Variants in SRRM2 observed in about 807,000 individuals in gnomAD.
SRRM2 encodes serine/arginine repetitive matrix 2, also known as serine/arginine repetitive matrix protein 2.
SRRM2 carries 30 observed loss-of-function variants against 213.8 expected under a neutral mutation model. The ratio of observed to expected loss-of-function variants is 0.14; its 90% CI spans 0.10 to 0.19. The LOEUF (loss-of-function observed/expected upper bound fraction) is 0.19, where lower values mean the gene tolerates loss of function less well. Among genes scored for constraint, SRRM2 ranks in the 10% least tolerant of loss-of-function variants. SRRM2 has a pLI of 1.00. For missense variants in SRRM2, 4,904 were observed against 3,647.0 expected (o/e 1.34, Z -8.88); for synonymous variants, 2,025 against 1,377.7 (o/e 1.47, Z -10.40).
chr16:2,753,519 G>T (rs922343350), intron 1 of SRRM2: 3 of 152,166 alleles, frequency 2.0e-5, no homozygotes, highest in Non-Finnish European at 1.5e-5. Context: ...GTTTACATTT[G>T]TAAGGTAGAC....
Position 2,768,242 on chromosome 16 carries a change from C to T in SRRM2, c.7714C>T (p.Pro2572Ser), listed in dbSNP as rs1452166545. 3 of 1,559,964 alleles carry T rather than the reference C, an allele frequency of 1.9e-6. No homozygotes were observed. The highest frequency in any genetic ancestry group is 1.2e-5 in the South Asian group (1 of 82,648). The change falls in exon 11 of 15, where the codon CCT (proline) becomes TCT (serine). Residue 2572 changes from proline (P) to serine (S), a missense_variant. Coordinates refer to ENST00000301740, the MANE Select transcript of SRRM2 (RefSeq NM_016333.4). ...AGAGGGCTCTAGCCTTCCTGTGCAA[C>T]CTGAGGTGGCACTGAAGAGGTGAGG... Reference protein sequence around the residue: ...DSEGSSLPVQPEVALKRVPSP... With the variant: ...DSEGSSLPVQSEVALKRVPSP...
At position 2,762,180 on chromosome 16, in the gene SRRM2, G is replaced by T; in HGVS notation, c.1652G>T (p.Arg551Ile). The T allele has an allele frequency of 6.2e-7, 1 of 1,614,050 alleles. No homozygotes were observed. The highest frequency in any genetic ancestry group is 1.3e-5 in the African/African-American group (1 of 74,986). ...TCTAGGAGCAGAAATACCCAGAGAA[G>T]AGGCAGGTCTAGGTCAGCAAGGCGA... ...GWSRSRNTQR[R>I]GRSRSARRGR... is the part of the protein sequence containing the mutation. The change falls in exon 11 of 15, where the codon AGA (arginine) becomes ATA (isoleucine). Residue 551 changes from arginine (R) to isoleucine (I), a missense_variant. By Grantham distance (97) the Arg-to-Ile change is moderately conservative. Transcript: ENST00000301740.
At chr16:2,759,530 A>G (rs1271552440) in intron 8 of SRRM2, 39 bp from the exon 9 acceptor site, 4 of 1,609,750 alleles carry the variant, frequency 2.5e-6, no homozygotes, top group South Asian at 1.1e-5. Context: ...CAGGGCAGGT[A>G]CAGCAGTACC....
rs767255526 is a variant in SRRM2 at position 2,766,049 on chromosome 16, C to T, written c.5521C>T (p.Arg1841Cys). Reference sequence around the variant, plus strand: ...GACCTCCTCTCGACGCCGAAGAGGCCGCTCTCGGACACCCCCAACCAGTCG... The same window carrying T: ...GACCTCCTCTCGACGCCGAAGAGGCTGCTCTCGGACACCCCCAACCAGTCG... ...SRTSSRRRRGRSRTPPTSRKR... is the reference protein window; with the variant it reads ...SRTSSRRRRGCSRTPPTSRKR... Residue 1841 changes from arginine (R) to cysteine (C), a missense_variant, in exon 11 of 15, where the codon CGC becomes TGC. Transcript: ENST00000301740. The surrounding 1 kb of genome is among the most constrained non-coding windows in gnomAD (Gnocchi z 7.0). The T allele has an allele frequency of 3.0e-5, 49 of 1,614,082 alleles. No individual in the cohort carries two copies. Among genetic ancestry groups the T allele is most frequent in the Admixed American group, 5.0e-5 (3 of 60,002 alleles).
At chr16:2,769,748 C>T in intron 12 of SRRM2, 1 of 469,414 alleles carries the variant, frequency 2.1e-6, no homozygotes, top group East Asian at 6.7e-5. Context: ...CGCCCTGTGG[C>T]CTGCAGGACA....
Position 2,757,767 on chromosome 16 carries a change from C to T in SRRM2, c.351-14C>T, listed in dbSNP as rs760933568. On this transcript the variant is annotated splice_polypyrimidine_tract_variant and intron_variant, in intron 3 of 14. Coordinates refer to ENST00000301740, the MANE Select transcript of SRRM2 (RefSeq NM_016333.4). ...TTTATATTTCCTTCAGACTTTTGCC[C>T]TTCTTTTCTCTAGGGTCACGGAGAC... is the stretch of plus-strand genomic sequence containing the variant. 9 of 1,612,142 alleles carry T rather than the reference C, an allele frequency of 5.6e-6. No homozygotes were observed. Among genetic ancestry groups the T allele is most frequent in the Middle Eastern group, 1.6e-4 (1 of 6,076 alleles).
rs562945467 is a variant in SRRM2 at position 2,771,190 on chromosome 16, G to T, written c.*323G>T. The T allele has an allele frequency of 6.3e-6, 4 of 634,314 alleles. No individual in the cohort carries two copies. In the East Asian group the frequency reaches 1.1e-4, roughly 17 times the overall value. The allele number at this position is 634,314 out of a possible 1,614,324, so 39.3% of individuals were successfully genotyped here. A position where few individuals can be genotyped will look rare whatever the true frequency, so the allele number is the denominator to read the frequency against. On this transcript the variant is annotated 3_prime_UTR_variant, in exon 15 of 15. Transcript: ENST00000301740. ...GGAGGCATGGCCCCACTTGTATCCA[G>T]AAGTTCCCAGGGGTGATTGTGATGG...
Position 2,765,182 on chromosome 16 carries a change from T to G in SRRM2, c.4654T>G (p.Ser1552Ala). The G allele has an allele frequency of 1.2e-6, 2 of 1,614,032 alleles. No individual in the cohort carries two copies. The highest frequency in any genetic ancestry group is 1.7e-6 in the Non-Finnish European group (2 of 1,179,996). Residue 1552 changes from serine (S) to alanine (A), a missense_variant, in exon 11 of 15, where the codon TCC becomes GCC. Transcript: ENST00000301740. ...AGAACTTGATGTGAAACCCAGTGCA[T>G]CCCCTCAGGAAAGAAGTGAGTCAGA... ...SQELDVKPSA[S>A]PQERSESDSS...
Position 2,770,950 on chromosome 16 carries a change from G to A in SRRM2, c.*83G>A, listed in dbSNP as rs773799714. 3 of 1,567,518 alleles carry A rather than the reference G, an allele frequency of 1.9e-6. No homozygotes were observed. The highest frequency in any genetic ancestry group is 1.1e-5 in the South Asian group (1 of 88,306). ...TCTTCCCCAGCAGAGCCGTGGGAGG[G>A]TCCTTGTCTGCTCTCCTTTGAACCT... On this transcript the variant is annotated 3_prime_UTR_variant, in exon 15 of 15. Coordinates refer to ENST00000301740, the MANE Select transcript of SRRM2 (RefSeq NM_016333.4).
At position 2,763,110 on chromosome 16, in the gene SRRM2, A is replaced by C; in HGVS notation, c.2582A>C (p.Asn861Thr). ...GGGTCCATAACAAGTCCCCAGGCCA[A>C]TGAGCAATCTGTAACGCCACAGAGA... ...RQGSITSPQA[N>T]EQSVTPQRRS... Residue 861 changes from asparagine to threonine, a missense_variant, in exon 11 of 15, where the codon AAT becomes ACT. Physicochemically the swap from Asn to Thr is moderately conservative, Grantham distance 65. Transcript: ENST00000301740. 1 of 1,614,208 alleles carries C rather than the reference A, an allele frequency of 6.2e-7. No homozygotes were observed. The highest frequency in any genetic ancestry group is 1.1e-5 in the South Asian group (1 of 91,084).
rs756353372 is a variant in SRRM2, at chr16:2,766,594, A to G, written c.6066A>G (p.Thr2022=). 15 of 1,613,250 alleles carry G rather than the reference A, an allele frequency of 9.3e-6. 1 individual carries two copies. The South Asian group carries it at 1.6e-4, about 18-fold the overall frequency. The change falls in exon 11 of 15, where the codon ACA becomes ACG. Residue 2022 remains threonine (T), a synonymous_variant. Coordinates refer to ENST00000301740, the MANE Select transcript of SRRM2 (RefSeq NM_016333.4). The surrounding 1 kb of genome is among the most constrained non-coding windows in gnomAD (Gnocchi z 7.0). The part of the protein sequence containing the change: ...PVTRRRSRSR[T]PPAIRRRSRS... Reference sequence around the variant, plus strand: ...CACGCCGCCGCTCTAGGTCCCGGACACCTCCAGCTATTCGGCGCCGCTCTA... The same window carrying G: ...CACGCCGCCGCTCTAGGTCCCGGACGCCTCCAGCTATTCGGCGCCGCTCTA...
intron 12 of SRRM2, chr16:2,770,084 G>T: frequency 1.5e-6 from 2 of 1,303,590 alleles, no homozygotes; most frequent in Non-Finnish European, 2.0e-6. Context: ...CCCACACACG[G>T]GGCCGTGCGT....
At chr16:2,756,211 G>T in intron 1 of SRRM2, 123 bp from the exon 2 acceptor site, 2 of 965,674 alleles carry the variant, frequency 2.1e-6, no homozygotes, top group African/African-American at 1.6e-5. Flanking sequence ...ATTATACAGC[G>T]AAGACTTAGT....
intron 12 of SRRM2, chr16:2,769,518 C>T: frequency 6.4e-6 from 4 of 629,184 alleles, no homozygotes; most frequent in East Asian, 2.8e-5. Flanking sequence ...GTTTCTTCCT[C>T]TCCCTCCCTC....
rs370490379 is a variant in SRRM2, at chr16:2,760,426, G to A, written c.959G>A (p.Arg320Gln). Residue 320 changes from arginine to glutamine, a missense_variant, in exon 10 of 15, where the codon CGG becomes CAG. Arg to Gln is a conservative substitution (Grantham distance 43, BLOSUM62 1). Coordinates refer to ENST00000301740, the MANE Select transcript of SRRM2 (RefSeq NM_016333.4). ...GAACCAGGTACTACCAGCACACAAC[G>A]GCCTAGTAGCCCGGAGACTGCTACG... is the stretch of plus-strand genomic sequence containing the variant. ...FSEPGTTSTQ[R>Q]PSSPETATKQ... 19 of 1,614,000 alleles carry A rather than the reference G, an allele frequency of 1.2e-5. No individual in the cohort carries two copies. In the African/African-American group the frequency reaches 2.0e-4, roughly 17 times the overall value.
chr16:2,763,722 C>T lies in SRRM2; in HGVS notation c.3194C>T (p.Pro1065Leu). The change falls in exon 11 of 15, where the codon CCA (proline) becomes CTA (leucine). Residue 1065 changes from proline to leucine, a missense_variant. Transcript: ENST00000301740. The part of the protein sequence containing the change: ...LQLKGQSQTS[P>L]DHRSDTSSPE... ...CTGAAAGGACAATCTCAAACTTCAC[C>T]AGACCACAGATCTGATACTTCAAGT... The T allele has an allele frequency of 6.2e-7, 1 of 1,614,184 alleles. No individual in the cohort carries two copies. Among genetic ancestry groups the T allele is most frequent in the Non-Finnish European group, 8.5e-7 (1 of 1,180,036 alleles).
At position 2,769,042 on chromosome 16, in the gene SRRM2, A is replaced by T. The variant is rs775020289; in HGVS notation, c.7779A>T (p.Gly2593=). ...CCCCAAAGGAGGCTGTTCGAGAGGGACGTCCTCCGGAGCCAACCCCAGCCA... is the reference window on the plus strand; with the variant it reads ...CCCCAAAGGAGGCTGTTCGAGAGGGTCGTCCTCCGGAGCCAACCCCAGCCA... The part of the protein sequence containing the change: ...TPAPKEAVRE[G]RPPEPTPAKR... The change falls in exon 12 of 15, where the codon GGA becomes GGT. Residue 2593 remains glycine, a synonymous_variant. Transcript: ENST00000301740. 2.5e-6 allele frequency: 4 copies of T among 1,613,956 alleles called. No homozygotes were observed. The highest frequency in any genetic ancestry group is 3.4e-6 in the Non-Finnish European group (4 of 1,179,986).
chr16:2,769,171 TTCCTCCTCATCTTCC>T lies in SRRM2; in HGVS notation c.7917_7931del (p.Ser2644_Ser2648del), dbSNP rs1567247758. 6.2e-7 allele frequency: 1 copy of T among 1,610,444 alleles called. No homozygotes were observed. Among genetic ancestry groups the T allele is most frequent in the Admixed American group, 1.7e-5 (1 of 59,894 alleles). On this transcript the variant is annotated inframe_deletion, in exon 12 of 15. Coordinates refer to ENST00000301740, the MANE Select transcript of SRRM2 (RefSeq NM_016333.4). Reference sequence around the variant, plus strand: ...CCTCCTCCTCTTCCTCTTCTTCTTCTTCCTCCTCATCTTCCTCCTCCTCGTCGTCTTCCTCCCCTT... The same window carrying T: ...CCTCCTCCTCTTCCTCTTCTTCTTCTTCCTCCTCGTCGTCTTCCTCCCCTT...
rs760532009 is a variant in SRRM2, at chr16:2,763,923, C to T, written c.3395C>T (p.Ser1132Phe). ...SASPMLKSGM[S>F]PEQSRFQSDS... ...AGTCCTATGTTGAAATCTGGAATGTCTCCTGAGCAGAGCAGGTTCCAGTCT... is the reference window on the plus strand; with the variant it reads ...AGTCCTATGTTGAAATCTGGAATGTTTCCTGAGCAGAGCAGGTTCCAGTCT... The change falls in exon 11 of 15, where the codon TCT becomes TTT. Residue 1132 changes from serine to phenylalanine, a missense_variant. Ser to Phe is a radical substitution (Grantham distance 155). Coordinates refer to ENST00000301740, the MANE Select transcript of SRRM2 (RefSeq NM_016333.4). 10 of 1,614,198 alleles carry T rather than the reference C, an allele frequency of 6.2e-6. No homozygotes were observed. Among genetic ancestry groups the T allele is most frequent in the Non-Finnish European group, 8.5e-6 (10 of 1,180,038 alleles).
Sources: allele counts gnomAD v4.1 joint callset, GRCh38; gene constraint gnomAD v4.1.1; non-coding constraint Gnocchi (gnomAD v3.1); transcripts MANE v1.5; gene names NCBI Gene and HGNC (gene_info 2026-07-23, HGNC 2026-07-21).